The following NBPF9 variants were observed in gnomAD, a reference collection of about 807,000 sequenced individuals.
The protein encoded by NBPF9 is NBPF family member NBPF9.
A neutral mutation model predicts 97.8 loss-of-function variants in NBPF9; 91 were observed. That is an observed-to-expected ratio of 0.93 (90% CI 0.79 to 1.11). The LOEUF (loss-of-function observed/expected upper bound fraction) is 1.11. Among genes scored for constraint, NBPF9 ranks in the 50% least tolerant of loss-of-function variants. The pLI is 0.00. For synonymous variants in NBPF9, 334 were observed against 359.5 expected (o/e 0.93, Z 0.80); for missense variants, 992 against 939.5 (o/e 1.06, Z -0.73).
intron 5 of NBPF9, among the ~76,000 whole-genome samples, chr1:149,084,743 T>C (rs1371453702): frequency 6.6e-6 from 1 of 150,978 alleles, no homozygotes; most frequent in Non-Finnish European, 1.5e-5. Context: ...GAGGTTGGTG[T>C]CCTGGTTGGC....
At chr1:149,079,289 A>G in intron 8 of NBPF9, 68 bp from the exon 9 acceptor site, 2 of 1,310,316 alleles carry the variant, frequency 1.5e-6, no homozygotes. Flanking sequence ...ATATTGCAAC[A>G]GAGACTTCTG....
intron 21 of NBPF9, among the ~76,000 whole-genome samples, chr1:149,062,585 A>T (rs2078696319): frequency 7.2e-6 from 1 of 139,276 alleles, no homozygotes; most frequent in African/African-American, 2.7e-5. Context: ...GATCATGAAA[A>T]GAGTGGGCTC....
At chr1:149,060,587 C>T in exon 24 of NBPF9, 1 of 392,108 alleles carries the variant, frequency 2.6e-6, no homozygotes, top group African/African-American at 4.2e-5. Context: ...TTCCATAGGG[C>T]TGGCAGGAGT....
At chr1:149,062,061 G>C (rs782562441) in intron 22 of NBPF9, 32 bp downstream of exon 22, 6 of 880,102 alleles carry the variant, frequency 6.8e-6, no homozygotes, top group South Asian at 1.3e-5. Flanking sequence ...AGACCAGGTG[G>C]AGGCTTATCA....
rs1370610776 is a variant in NBPF9 at position 149,059,604 on chromosome 1, G to A, written c.2585+96C>T. On this transcript the variant is annotated intron_variant, in intron 25 of 29. Transcript: ENST00000584027. ...TGACAGTAGGAGTAATTCAGCCTTC[G>A]TTGAAAACGTGACATCAAACACACT... 17 of 515,370 alleles carry A rather than the reference G, an allele frequency of 3.3e-5. 5 individuals carry two copies. Among genetic ancestry groups the A allele is most frequent in the Middle Eastern group, 1.3e-3 (2 of 1,566 alleles). The allele number at this position is 515,370 out of a possible 1,614,324, so 31.9% of individuals were successfully genotyped here. A position where few individuals can be genotyped will look rare whatever the true frequency, so the allele number is the denominator to read the frequency against.
chr1:149,070,646 A>G (rs1362724496), intron 16 of NBPF9, among the ~76,000 whole-genome samples: 3 of 151,764 alleles, frequency 2.0e-5, no homozygotes, highest in Non-Finnish European at 4.4e-5. Flanking sequence ...ACAGATGACA[A>G]GAGATACTGA....
chr1:149,092,911 A>G (rs1275675509), intron 4 of NBPF9: 3 of 202,880 alleles, frequency 1.5e-5, no homozygotes, highest in East Asian at 1.9e-4. Context: ...ACCTGTGGGC[A>G]TTTCTCATTA....
chr1:149,095,322 T>C (rs1453487112), intron 4 of NBPF9, among the ~76,000 whole-genome samples: 3 of 147,772 alleles, frequency 2.0e-5, no homozygotes, highest in Non-Finnish European at 4.5e-5. Context: ...ATAAAATAAA[T>C]CTTACACGTA....
intron 2 of NBPF9, among the ~76,000 whole-genome samples, chr1:149,102,056 G>A (rs1249975098): frequency 9.5e-6 from 1 of 105,576 alleles, no homozygotes; most frequent in East Asian, 2.6e-4. Flanking sequence ...AGCCTACCAG[G>A]TAGCTGGGAC....
At chr1:149,063,169 G>T (rs1467976419) in intron 20 of NBPF9, among the ~76,000 whole-genome samples, 33 of 143,456 alleles carry the variant, frequency 2.3e-4, no homozygotes, top group African/African-American at 6.4e-4. Flanking sequence ...TGTGCAAATG[G>T]TTATGCCATA....
chr1:149,062,651 G>C (rs372241887), intron 21 of NBPF9, among the ~76,000 whole-genome samples: 7,245 of 147,750 alleles, frequency 0.049, 566 homozygotes, highest in African/African-American at 0.16. Flanking sequence ...CAGCCTTTGA[G>C]GTATGGTCAA....
chr1:149,058,596 A>G (rs1248878622), intron 26 of NBPF9: 2 of 260,518 alleles, frequency 7.7e-6, no homozygotes, highest in East Asian at 1.9e-4. Context: ...TTAGACACTG[A>G]AATTAGAATG....
In NBPF9 at chr1:149,062,268, G is replaced by C. The variant is rs587616641; in HGVS notation, c.2079-3C>G. 1.5e-5 allele frequency: 10 copies of C among 662,442 alleles called. No individual in the cohort carries two copies. The East Asian group carries it at 2.2e-4, about 14-fold the overall frequency. The allele number at this position is 662,442 out of a possible 1,614,324, so 41.0% of individuals were successfully genotyped here. On this transcript the variant is annotated splice_polypyrimidine_tract_variant and splice_region_variant and intron_variant, in intron 21 of 29. Coordinates refer to ENST00000584027, the Ensembl canonical transcript of NBPF9. ...CATCCAGCAGCTCCCTGCTGAGCCT[G>C]GAAAAGTAGGAAAAAGTAAAGAATA... is the stretch of plus-strand genomic sequence containing the variant.
At chr1:149,087,594 C>G (rs1274744572) in intron 5 of NBPF9, among the ~76,000 whole-genome samples, 2 of 149,808 alleles carry the variant, frequency 1.3e-5, no homozygotes, top group Non-Finnish European at 3.0e-5. Context: ...TTGACATTAC[C>G]ATATAAATGG....
intron 5 of NBPF9, among the ~76,000 whole-genome samples, chr1:149,084,349 A>G (rs1466562307): frequency 2.7e-5 from 4 of 147,902 alleles, no homozygotes; most frequent in Non-Finnish European, 5.9e-5. Context: ...TATAATATAT[A>G]TACGTGTATA....
At chr1:149,093,272 G>A (rs71208568) in intron 4 of NBPF9, among the ~76,000 whole-genome samples, 31 of 151,676 alleles carry the variant, frequency 2.0e-4, no homozygotes, top group African/African-American at 3.6e-4. Flanking sequence ...GTCCTAAGGC[G>A]GTTTTCTCCT....
At chr1:149,080,832 G>A (rs2080367140) in intron 7 of NBPF9, among the ~76,000 whole-genome samples, 1 of 148,400 alleles carries the variant, frequency 6.7e-6, no homozygotes, top group Admixed American at 6.8e-5. Context: ...TGTTCAAGGA[G>A]ATTGACAGGA....
chr1:149,096,962 T>C (rs2081803208), intron 4 of NBPF9, among the ~76,000 whole-genome samples: 2 of 146,052 alleles, frequency 1.4e-5, no homozygotes, highest in South Asian at 4.6e-4. Flanking sequence ...TGCAGTGTGG[T>C]CTATTTAAAA....
chr1:149,064,949 G>C lies in NBPF9; in HGVS notation c.1802-467C>G, dbSNP rs1249573573. 9 of 532,676 alleles carry C rather than the reference G, an allele frequency of 1.7e-5. No individual in the cohort carries two copies. In the African/African-American group the frequency reaches 1.7e-4, roughly 10 times the overall value. The allele number at this position is 532,676 out of a possible 1,614,324, so 33.0% of individuals were successfully genotyped here. A position where few individuals can be genotyped will look rare whatever the true frequency, so the allele number is the denominator to read the frequency against. ...TCTACACAGTAGCATCAGCTATTAT[G>C]GCTTTTGTGGGTGAAAAGTCAGCCA... On this transcript the variant is annotated intron_variant, in intron 18 of 29. Coordinates refer to ENST00000584027, the Ensembl canonical transcript of NBPF9.
Sources: gnomAD v4.1 joint callset for allele counts (sites outside exome capture counted in the v4.1 genomes callset) on GRCh38, gnomAD v4.1.1 for gene constraint, MANE v1.5 for transcripts, NCBI Gene and HGNC (gene_info 2026-07-23, HGNC 2026-07-21) for gene names.